Variants in GMDS observed in about 807,000 individuals in gnomAD.
GMDS encodes the protein GDP-mannose 4,6-dehydratase.
Under a neutral mutation model 49.9 loss-of-function variants are expected in GMDS, and 20 were observed. That is an observed-to-expected ratio of 0.40 (90% CI 0.28 to 0.58). The LOEUF is 0.58. Among genes scored for constraint, GMDS ranks in the 20% least tolerant of loss-of-function variants. The pLI is 0.42. For synonymous variants in GMDS, 177 were observed against 178.6 expected, an observed-to-expected ratio of 0.99 and a Z score of 0.07; for missense variants, 362 against 481.4, an observed-to-expected ratio of 0.75 and a Z score of 2.32.
intron 4 of GMDS, among the ~76,000 whole-genome samples, chr6:2,039,435 T>G (rs781551238): frequency 3.1e-4 from 47 of 152,184 alleles, no homozygotes; most frequent in Non-Finnish European, 5.4e-4. Context: ...CACCATAAAT[T>G]TTTTACTTTA....
At chr6:1,902,688 T>C (rs916392967) in intron 7 of GMDS, among the ~76,000 whole-genome samples, 3 of 152,222 alleles carry the variant, frequency 2.0e-5, no homozygotes, top group East Asian at 1.9e-4. Context: ...AATGTCACTA[T>C]TAAAAGGCCA....
At chr6:1,685,848 A>G (rs965618422) in intron 9 of GMDS, among the ~76,000 whole-genome samples, 5 of 152,222 alleles carry the variant, frequency 3.3e-5, no homozygotes, top group Admixed American at 6.5e-5. Flanking sequence ...TCACTAATTA[A>G]AAATGATTTT....
intron 6 of GMDS, among the ~76,000 whole-genome samples, chr6:1,934,982 T>G (rs1762457362): frequency 6.6e-6 from 1 of 152,224 alleles, no homozygotes; most frequent in South Asian, 2.1e-4. Context: ...TAAGCCACAG[T>G]GCAATGCAGG....
intron 9 of GMDS, among the ~76,000 whole-genome samples, chr6:1,698,750 G>T (rs1765435126): frequency 6.6e-6 from 1 of 151,476 alleles, no homozygotes; most frequent in Non-Finnish European, 1.5e-5. Context: ...GCCTCCAGTG[G>T]CAGTGCTGCT....
Position 2,091,982 on chromosome 6 carries a change from C to A in GMDS, c.345+23789G>T, listed in dbSNP as rs146506243. On this transcript the variant is annotated intron_variant, in intron 4 of 10. Transcript: ENST00000380815. ...AACTACAAGGATAGGGCTATATGAC[C>A]TGGTTTGGGCCAGGACTCAGGGAAG... Among the ~76,000 whole-genome samples the A allele has an allele frequency of 3.1e-3, 471 of 152,206 alleles. 5 individuals carry two copies. Among genetic ancestry groups the A allele is most frequent in the African/African-American group, 0.01 (431 of 41,522 alleles).
intron 1 of GMDS, among the ~76,000 whole-genome samples, chr6:2,161,314 G>A (rs1777390690): frequency 6.6e-6 from 1 of 151,968 alleles, no homozygotes; most frequent in Non-Finnish European, 1.5e-5. Flanking sequence ...CGGCCTATAT[G>A]CTAAGATAAT....
At chr6:1,699,717 T>A (rs370209339) in intron 9 of GMDS, among the ~76,000 whole-genome samples, 1 of 152,190 alleles carries the variant, frequency 6.6e-6, no homozygotes, top group Admixed American at 6.5e-5. Flanking sequence ...TCCAGGACCA[T>A]CTCCAGACCC....
chr6:2,140,605 G>A (rs183083036), intron 1 of GMDS, among the ~76,000 whole-genome samples: 1 of 152,338 alleles, frequency 6.6e-6, no homozygotes, highest in East Asian at 1.9e-4. Flanking sequence ...CCATTTCCCA[G>A]AAAGAGAGAG....
At chr6:2,137,292 G>A (rs1562088934) in intron 1 of GMDS, among the ~76,000 whole-genome samples, 1 of 150,362 alleles carries the variant, frequency 6.7e-6, no homozygotes, top group Non-Finnish European at 1.5e-5. Flanking sequence ...CAAAAGTAGT[G>A]TGATCTGAGT....
At chr6:1,948,756 T>C (rs1186101120) in intron 6 of GMDS, among the ~76,000 whole-genome samples, 1 of 152,272 alleles carries the variant, frequency 6.6e-6, no homozygotes, top group Non-Finnish European at 1.5e-5. Context: ...TTCATCATCG[T>C]CTTTTCTTGA....
chr6:2,163,739 A>G (rs1777525222), intron 1 of GMDS, among the ~76,000 whole-genome samples: 1 of 152,194 alleles, frequency 6.6e-6, no homozygotes. Flanking sequence ...CATTAGACAC[A>G]CAGGATGAAC....
chr6:2,156,052 A>C (rs1024723695), intron 1 of GMDS, among the ~76,000 whole-genome samples: 1 of 152,182 alleles, frequency 6.6e-6, no homozygotes, highest in Non-Finnish European at 1.5e-5. Flanking sequence ...CCAGGAAGGA[A>C]GAATAATTGT....
intron 1 of GMDS, among the ~76,000 whole-genome samples, chr6:2,155,993 T>C (rs1777094222): frequency 6.6e-6 from 1 of 152,186 alleles, no homozygotes; most frequent in Admixed American, 6.5e-5. Context: ...CGCTCATTGT[T>C]TTTTACATTT....
intron 7 of GMDS, among the ~76,000 whole-genome samples, chr6:1,850,653 G>A (rs1218021983): frequency 1.3e-5 from 2 of 152,180 alleles, no homozygotes; most frequent in Non-Finnish European, 2.9e-5. Context: ...GGTCAAACGA[G>A]GGCTAGGAGG....
At chr6:1,694,443 T>C (rs1363855431) in intron 9 of GMDS, among the ~76,000 whole-genome samples, 1 of 152,252 alleles carries the variant, frequency 6.6e-6, no homozygotes, top group Non-Finnish European at 1.5e-5. Flanking sequence ...AAGTAGAAAC[T>C]GAGGCTCAGG....
intron 1 of GMDS, among the ~76,000 whole-genome samples, chr6:2,208,109 C>G (rs1020897389): frequency 2.0e-5 from 3 of 151,898 alleles, no homozygotes; most frequent in Non-Finnish European, 2.9e-5. Context: ...AAGTTAGAAC[C>G]CAACACACAT....
At chr6:2,124,426 TG>T (rs898331478) in intron 2 of GMDS, among the ~76,000 whole-genome samples, 3 of 152,202 alleles carry the variant, frequency 2.0e-5, no homozygotes. Flanking sequence ...CACAGGCTGC[TG>T]CGTTATCGGA....
chr6:2,031,140 G>T lies in GMDS; in HGVS notation c.346-70174C>A, dbSNP rs1489702300. ...ATCGCCCTGTTAACACGCACATCCTGATGCAGTAGTTCTGGGGTGGAGCCA... is the reference window on the plus strand; with the variant it reads ...ATCGCCCTGTTAACACGCACATCCTTATGCAGTAGTTCTGGGGTGGAGCCA... On this transcript the variant is annotated intron_variant, in intron 4 of 10. Transcript: ENST00000380815. Among the ~76,000 whole-genome samples the T allele has an allele frequency of 2.6e-5, 4 of 152,176 alleles. No individual in the cohort carries two copies. The East Asian group carries it at 7.7e-4, about 29-fold the overall frequency.
At position 1,742,562 on chromosome 6, in the gene GMDS, C is replaced by G. The variant is rs759537419; in HGVS notation, c.796G>C (p.Asp266His). 7 of 1,601,552 alleles carry G rather than the reference C, an allele frequency of 4.4e-6. No homozygotes were observed. The highest frequency in any genetic ancestry group is 5.1e-6 in the Non-Finnish European group (6 of 1,168,764). ...VEAMWLMLQN[D>H]EPEDFVIATG... is the part of the protein sequence containing the mutation. The stretch of plus-strand genomic sequence containing the variant: ...GCTATAACGAAGTCCTCCGGCTCAT[C>G]ATTCTGCAACATCAACCACATAGCC... Residue 266 changes from aspartate (D) to histidine (H), a missense_variant, in exon 8 of 11, where the codon GAT (aspartate) becomes CAT (histidine). Transcript: ENST00000380815.
Sources: allele counts gnomAD v4.1 joint callset (sites outside exome capture counted in the v4.1 genomes callset), GRCh38; gene constraint gnomAD v4.1.1; transcripts MANE v1.5; gene names NCBI Gene and HGNC (gene_info 2026-07-23, HGNC 2026-07-21).